HIVEP3: variants seen among roughly 807,000 people sequenced by gnomAD.
The protein encoded by HIVEP3 is HIVEP zinc finger 3.
A neutral mutation model predicts 152.8 loss-of-function variants in HIVEP3; 49 were observed. The observed-to-expected ratio is 0.32, with a 90% CI of 0.26 to 0.41. The LOEUF is 0.41. Among genes scored for constraint, HIVEP3 ranks in the 10% least tolerant of loss-of-function variants. The pLI, the probability that HIVEP3 is intolerant of heterozygous loss-of-function variation, is 1.00. For missense variants in HIVEP3, 2,790 were observed against 3,103.3 expected (o/e 0.90, Z 2.40); for synonymous variants, 1,269 against 1,289.0 (o/e 0.98, Z 0.33).
At chr1:41,939,009 C>T (rs985964467) in intron 1 of HIVEP3, among the ~76,000 whole-genome samples, 6 of 152,166 alleles carry the variant, frequency 3.9e-5, no homozygotes, top group Non-Finnish European at 8.8e-5. Flanking sequence ...TTTGCCACTA[C>T]CCTGCTTGCT....
In HIVEP3 at chr1:41,856,276, C is replaced by A. The variant is rs576853610; in HGVS notation, c.-801+62137G>T. ...GCTTGTTGATTGAAAAGCAAATGAA[C>A]AAATGAATGAAGGAATAGAAAAGAA... On this transcript the variant is annotated intron_variant, in intron 1 of 8. Coordinates refer to ENST00000372583, the MANE Select transcript of HIVEP3 (RefSeq NM_024503.5). 3.3e-5 allele frequency among the ~76,000 whole-genome samples: 5 copies of A among 152,164 alleles called. No homozygotes were observed. In the South Asian group the frequency reaches 8.3e-4, roughly 25 times the overall value.
chr1:41,957,580 G>C (rs577089670), intron 1 of HIVEP3, among the ~76,000 whole-genome samples: 4 of 152,318 alleles, frequency 2.6e-5, no homozygotes, highest in African/African-American at 9.6e-5. Flanking sequence ...GCAGAAGAAA[G>C]AACGAGGAAA....
rs1644395743 is a variant in HIVEP3 at position 41,507,524 on chromosome 1, A to G, written c.*2927T>C. ...AGTTGGTTCCTCCCCCACTGCCCACACCCAAGGACCAGGACTAGTCTGTAC... is the reference window on the plus strand; with the variant it reads ...AGTTGGTTCCTCCCCCACTGCCCACGCCCAAGGACCAGGACTAGTCTGTAC... On this transcript the variant is annotated 3_prime_UTR_variant, in exon 9 of 9. Transcript: ENST00000372583. 6.6e-6 allele frequency: 1 copy of G among 152,254 alleles called. No individual in the cohort carries two copies. 9.4% of individuals were successfully genotyped at this position (152,254 alleles called of 1,614,324 possible).
intron 5 of HIVEP3, among the ~76,000 whole-genome samples, chr1:41,544,820 T>C (rs1404454310): frequency 2.0e-3 from 49 of 24,540 alleles, no homozygotes; most frequent in African/African-American, 3.7e-3. Flanking sequence ...CTACCACCTC[T>C]ACCACCACCA....
At chr1:42,027,839 A>G (rs999797409) in intron 1 of HIVEP3, among the ~76,000 whole-genome samples, 8 of 152,206 alleles carry the variant, frequency 5.3e-5, no homozygotes, top group Non-Finnish European at 1.2e-4. Flanking sequence ...AGATCTCATG[A>G]GACTCACTAT....
At chr1:41,806,390 T>C (rs1448870086) in intron 1 of HIVEP3, among the ~76,000 whole-genome samples, 1 of 152,178 alleles carries the variant, frequency 6.6e-6, no homozygotes, top group Non-Finnish European at 1.5e-5. Flanking sequence ...CTTCACCCCC[T>C]CTGAAGCATG....
intron 1 of HIVEP3, among the ~76,000 whole-genome samples, chr1:41,728,469 G>A (rs919598024): frequency 3.9e-5 from 6 of 151,992 alleles, no homozygotes; most frequent in Non-Finnish European, 8.8e-5. Context: ...CAAGGCGACA[G>A]AGCAGGGGGA....
intron 3 of HIVEP3, among the ~76,000 whole-genome samples, chr1:41,615,814 T>C (rs1644959977): frequency 8.7e-6 from 1 of 114,594 alleles, no homozygotes; most frequent in South Asian, 2.8e-4. Flanking sequence ...ATTTGACAAG[T>C]CTTTTTTTTT....
intron 1 of HIVEP3, among the ~76,000 whole-genome samples, chr1:41,978,147 T>C (rs1467272435): frequency 1.3e-5 from 2 of 152,178 alleles, no homozygotes; most frequent in African/African-American, 4.8e-5. Flanking sequence ...AAGTGAGCAC[T>C]TCCCTTACTT....
chr1:41,955,102 T>C (rs1243316937), intron 1 of HIVEP3, among the ~76,000 whole-genome samples: 1 of 152,146 alleles, frequency 6.6e-6, no homozygotes, highest in Non-Finnish European at 1.5e-5. Flanking sequence ...TTTACATGTT[T>C]TATCTCAGTT....
chr1:41,597,528 G>C (rs1307677264), intron 3 of HIVEP3, among the ~76,000 whole-genome samples: 2 of 152,122 alleles, frequency 1.3e-5, no homozygotes, highest in Non-Finnish European at 2.9e-5. Flanking sequence ...CTTCAGGCGG[G>C]TACTATTATC....
At chr1:41,537,979 A>C (rs955752950) in intron 5 of HIVEP3, among the ~76,000 whole-genome samples, 12 of 152,364 alleles carry the variant, frequency 7.9e-5, no homozygotes, top group African/African-American at 2.6e-4. Context: ...CAGGGCCAGA[A>C]ATATAAAGCT....
At position 41,506,835 on chromosome 1, in the gene HIVEP3, G is replaced by C. The variant is rs1188535707; in HGVS notation, c.*3616C>G. 2 of 151,930 alleles carry C rather than the reference G, an allele frequency of 1.3e-5. No individual in the cohort carries two copies. Among genetic ancestry groups the C allele is most frequent in the Non-Finnish European group, 2.9e-5 (2 of 68,008 alleles). 9.4% of individuals were successfully genotyped at this position (151,930 alleles called of 1,614,324 possible). On this transcript the variant is annotated 3_prime_UTR_variant, in exon 9 of 9. Coordinates refer to ENST00000372583, the MANE Select transcript of HIVEP3 (RefSeq NM_024503.5). Reference sequence around the variant, plus strand: ...AATACGTACACCTTTTAGAAAAAAAGGCAAATATTTATCTTACAGAGAGCA... The same window carrying C: ...AATACGTACACCTTTTAGAAAAAAACGCAAATATTTATCTTACAGAGAGCA...
intron 2 of HIVEP3, among the ~76,000 whole-genome samples, chr1:41,630,511 C>G (rs932629248): frequency 7.2e-5 from 11 of 152,216 alleles, no homozygotes; most frequent in Non-Finnish European, 1.5e-4. Flanking sequence ...AAAGCTTCAT[C>G]ATACCCTCAC....
chr1:41,779,046 G>A (rs188999540), intron 1 of HIVEP3, among the ~76,000 whole-genome samples: 2 of 152,330 alleles, frequency 1.3e-5, no homozygotes, highest in Admixed American at 1.3e-4. Context: ...CATGCCAGCA[G>A]CTGGGCCCAT....
At chr1:42,019,553 T>C (rs1645542245) in intron 1 of HIVEP3, among the ~76,000 whole-genome samples, 1 of 151,930 alleles carries the variant, frequency 6.6e-6, no homozygotes, top group Non-Finnish European at 1.5e-5. Context: ...CTAGTATATG[T>C]AAGTATAATT....
At chr1:41,985,669 T>C (rs1217218596) in intron 1 of HIVEP3, among the ~76,000 whole-genome samples, 1 of 152,232 alleles carries the variant, frequency 6.6e-6, no homozygotes. Context: ...GCTAAATATT[T>C]CTTGTAAGTC....
At position 41,512,983 on chromosome 1, in the gene HIVEP3, G is replaced by T. The variant is rs371951259; in HGVS notation, c.6238C>A (p.Pro2080Thr). 8.1e-4 allele frequency: 1,310 copies of T among 1,613,296 alleles called. 20 individuals carry two copies. In the South Asian group the frequency reaches 0.014, roughly 17 times the overall value. Reference sequence around the variant, plus strand: ...TTCCCTGGCGGCGCTGACCGTGGTGGTGACTCGGCCTGACCTGGAGACCAT... The same window carrying T: ...TTCCCTGGCGGCGCTGACCGTGGTGTTGACTCGGCCTGACCTGGAGACCAT... Reference protein sequence around the residue: ...RRWSPGQAESPPRSAPPGKWA... With the variant: ...RRWSPGQAESTPRSAPPGKWA... Residue 2080 changes from proline to threonine, a missense_variant, in exon 8 of 9, where the codon CCA becomes ACA. Pro to Thr is a conservative substitution (Grantham distance 38). Transcript: ENST00000372583.
rs1354826924 is a variant in HIVEP3 at position 41,918,793 on chromosome 1, C to G, written c.-1181G>C. ...ATCAGAAACCCAAACAGAAGCATCC[C>G]TCTTGAATTCGTGCTGCTGAAAAAC... On this transcript the variant is annotated 5_prime_UTR_variant, in exon 1 of 9. Transcript: ENST00000372583. The surrounding 1 kb of genome is among the most constrained non-coding windows in gnomAD (Gnocchi z 4.3). The G allele has an allele frequency of 2.6e-5, 4 of 152,206 alleles. No individual in the cohort carries two copies. The East Asian group carries it at 7.7e-4, about 29-fold the overall frequency. 9.4% of individuals were successfully genotyped at this position (152,206 alleles called of 1,614,324 possible).
Sources: allele counts gnomAD v4.1 joint callset (sites outside exome capture counted in the v4.1 genomes callset), GRCh38; gene constraint gnomAD v4.1.1; non-coding constraint Gnocchi (gnomAD v3.1); transcripts MANE v1.5; gene names NCBI Gene and HGNC (gene_info 2026-07-23, HGNC 2026-07-21).